Variants in TLE1 observed in about 807,000 individuals in gnomAD.
TLE1 encodes the protein transducin-like enhancer protein 1.
TLE1 carries 21 observed loss-of-function variants against 89.8 expected under a neutral mutation model. The observed-to-expected ratio is 0.23, with a 90% CI of 0.17 to 0.34. The LOEUF (loss-of-function observed/expected upper bound fraction) is 0.34, where lower values mean the gene tolerates loss of function less well. TLE1 is among the 10% of genes least tolerant of loss of function. The pLI is 1.00. For synonymous variants in TLE1, 447 were observed against 407.6 expected (o/e 1.10, Z -1.16); for missense variants, 795 against 1,031.2 (o/e 0.77, Z 3.14).
At chr9:81,637,322 C>T (rs779941423) in intron 6 of TLE1, among the ~76,000 whole-genome samples, 69 of 152,032 alleles carry the variant, frequency 4.5e-4, no homozygotes, top group African/African-American at 1.4e-3. Flanking sequence ...CGTGCCACTG[C>T]ACTCCAGCCT....
At chr9:81,600,150 T>G (rs1373941610) in intron 14 of TLE1, 1 of 720,504 alleles carries the variant, frequency 1.4e-6, no homozygotes, top group African/African-American at 1.7e-5. Context: ...GGAGAAATTC[T>G]TGGATGGAAA....
chr9:81,688,762 C>G lies in TLE1; in HGVS notation c.-522G>C, dbSNP rs942624527. 6.5e-6 allele frequency: 1 copy of G among 153,340 alleles called. No homozygotes were observed. Among genetic ancestry groups the G allele is most frequent in the Admixed American group, 6.5e-5 (1 of 15,304 alleles). The allele number at this position is 153,340 out of a possible 1,614,324, so 9.5% of individuals were successfully genotyped here. A position where few individuals can be genotyped will look rare whatever the true frequency, so the allele number is the denominator to read the frequency against. On this transcript the variant is annotated 5_prime_UTR_variant, in exon 1 of 20. Coordinates refer to ENST00000376499, the MANE Select transcript of TLE1 (RefSeq NM_005077.5). ...CGCGGCGGCCCCCGCTAACCCCACA[C>G]AAACCCGACGCTTTCGGGGCGACTC...
At chr9:81,612,595 G>C (rs1475852890) in intron 12 of TLE1, among the ~76,000 whole-genome samples, 5 of 152,092 alleles carry the variant, frequency 3.3e-5, no homozygotes, top group Non-Finnish European at 7.3e-5. Flanking sequence ...GCCTCCCCTA[G>C]CAGAAAACCA....
intron 14 of TLE1, among the ~76,000 whole-genome samples, 158 bp from the exon 15 acceptor site, chr9:81,593,432 C>A (rs2777774): frequency 0.23 from 35,087 of 152,100 alleles, 4,585 homozygotes; most frequent in Middle Eastern, 0.44. Context: ...GCATTTACTG[C>A]TGGTGCAAAT....
At chr9:81,628,096 G>A (rs1012388537) in intron 8 of TLE1, among the ~76,000 whole-genome samples, 3 of 152,286 alleles carry the variant, frequency 2.0e-5, no homozygotes, top group African/African-American at 7.2e-5. Context: ...AAAACAAATA[G>A]GAGAGAAACC....
chr9:81,616,717 T>C lies in TLE1; in HGVS notation c.712-18A>G, dbSNP rs1397503201. ...TCACTGTCCTGGAAAAAAGAAACAT[T>C]AACGCCATTTACTAAAAGCTAAGAA... is the stretch of plus-strand genomic sequence containing the variant. On this transcript the variant is annotated intron_variant, in intron 9 of 19. Coordinates refer to ENST00000376499, the MANE Select transcript of TLE1 (RefSeq NM_005077.5). 6.2e-7 allele frequency: 1 copy of C among 1,613,918 alleles called. No homozygotes were observed. Among genetic ancestry groups the C allele is most frequent in the South Asian group, 1.1e-5 (1 of 91,056 alleles).
chr9:81,689,464 C>G lies in TLE1; in HGVS notation c.-1224G>C, dbSNP rs931505961. Among the ~76,000 whole-genome samples the G allele has an allele frequency of 6.6e-6, 1 of 152,130 alleles. No individual in the cohort carries two copies. The highest frequency in any genetic ancestry group is 1.5e-5 in the Non-Finnish European group (1 of 68,006). ...CCTCCGGGACGCGGGGCACAGAGTA[C>G]CCGCCGCTGTTTCTGCTGCTGCTGC... On this transcript the variant is annotated 5_prime_UTR_variant, in exon 1 of 20. Coordinates refer to ENST00000376499, the MANE Select transcript of TLE1 (RefSeq NM_005077.5).
At chr9:81,662,455 G>A (rs540043628) in intron 4 of TLE1, among the ~76,000 whole-genome samples, 17 of 151,398 alleles carry the variant, frequency 1.1e-4, no homozygotes, top group African/African-American at 3.9e-4. Flanking sequence ...AACACTTTGC[G>A]GGGGCCGAGG....
At chr9:81,677,462 G>A (rs890443380) in intron 4 of TLE1, among the ~76,000 whole-genome samples, 6 of 150,960 alleles carry the variant, frequency 4.0e-5, no homozygotes, top group Admixed American at 3.3e-4. Flanking sequence ...CTACTCAGCA[G>A]GCTGAGGCAG....
chr9:81,586,965 A>G (rs1200254342), intron 17 of TLE1, among the ~76,000 whole-genome samples: 1 of 152,254 alleles, frequency 6.6e-6, no homozygotes, highest in Non-Finnish European at 1.5e-5. Context: ...AAAACAAGGT[A>G]AAAAATAAAT....
At chr9:81,663,409 G>A (rs1037665530) in intron 4 of TLE1, among the ~76,000 whole-genome samples, 1 of 152,138 alleles carries the variant, frequency 6.6e-6, no homozygotes, top group Non-Finnish European at 1.5e-5. Context: ...AGAATTGGGA[G>A]ATAAAACAAG....
At position 81,653,974 on chromosome 9, in the gene TLE1, T is replaced by C; in HGVS notation, c.297A>G (p.Glu99=). The part of the protein sequence containing the change: ...CAQVIPFLSQ[E]HQQQVAQAVE... ...TTAACAGCTGAACAATTTTACTTAC[T>C]TCCTGAGACAGAAATGGGATGACTT... Residue 99 remains glutamate (E), a splice_region_variant and synonymous_variant, in exon 5 of 20, where the codon GAA becomes GAG. Coordinates refer to ENST00000376499, the MANE Select transcript of TLE1 (RefSeq NM_005077.5). 3 of 1,613,958 alleles carry C rather than the reference T, an allele frequency of 1.9e-6. No individual in the cohort carries two copies. Among genetic ancestry groups the C allele is most frequent in the Non-Finnish European group, 1.7e-6 (2 of 1,179,924 alleles).
chr9:81,639,908 G>A (rs1250362043), intron 6 of TLE1, among the ~76,000 whole-genome samples: 2 of 152,008 alleles, frequency 1.3e-5, no homozygotes, highest in Admixed American at 6.6e-5. Context: ...TTTTTGATAA[G>A]CAATGACAGT....
intron 14 of TLE1, among the ~76,000 whole-genome samples, chr9:81,605,553 T>C (rs1831522300): frequency 6.6e-6 from 1 of 152,144 alleles, no homozygotes; most frequent in Non-Finnish European, 1.5e-5. Context: ...AATTAATAGA[T>C]ATGGGCAGTC....
At chr9:81,675,697 A>ATTTTTTTTTTTTTT (rs1832783096) in intron 4 of TLE1, among the ~76,000 whole-genome samples, 2 of 99,816 alleles carry the variant, frequency 2.0e-5, no homozygotes, top group African/African-American at 4.8e-5. Context: ...GACTCACACT[A>ATTTTTTTTTTTTTT]GTTTTTTTTT....
At chr9:81,660,484 G>T (rs970686590) in intron 4 of TLE1, among the ~76,000 whole-genome samples, 5 of 151,810 alleles carry the variant, frequency 3.3e-5, no homozygotes, top group Non-Finnish European at 2.9e-5. Flanking sequence ...CGCGATCTCG[G>T]CTCACTGCAA....
At chr9:81,611,191 A>T (rs1823660997) in intron 13 of TLE1, among the ~76,000 whole-genome samples, 1 of 152,180 alleles carries the variant, frequency 6.6e-6, no homozygotes, top group African/African-American at 2.4e-5. Flanking sequence ...GATCATTTGC[A>T]CAGTGGCAAG....
At chr9:81,605,827 G>T (rs2131991364) in intron 14 of TLE1, among the ~76,000 whole-genome samples, 1 of 149,816 alleles carries the variant, frequency 6.7e-6, no homozygotes, top group South Asian at 2.1e-4. Context: ...TACCATTAGA[G>T]TGAACAGGCA....
intron 2 of TLE1, among the ~76,000 whole-genome samples, chr9:81,686,347 T>C (rs967530536): frequency 6.6e-6 from 1 of 152,268 alleles, no homozygotes; most frequent in African/African-American, 2.4e-5. Context: ...TGCTGGTCCC[T>C]TTCAAAACCT....
Sources: allele counts gnomAD v4.1 joint callset (sites outside exome capture counted in the v4.1 genomes callset), GRCh38; gene constraint gnomAD v4.1.1; transcripts MANE v1.5; gene names NCBI Gene and HGNC (gene_info 2026-07-23, HGNC 2026-07-21).